The following KAZN variants were observed in gnomAD, a reference collection of about 807,000 sequenced individuals.
KAZN encodes kazrin, periplakin interacting protein.
In KAZN, 40 loss-of-function variants were observed where a neutral mutation model predicts 87.4. The ratio of observed to expected loss-of-function variants is 0.46; its 90% CI spans 0.36 to 0.60. The LOEUF (loss-of-function observed/expected upper bound fraction) is 0.60. Among genes scored for constraint, KAZN ranks in the 20% least tolerant of loss-of-function variants. KAZN has a pLI of 0.00. For synonymous variants in KAZN, 466 were observed against 458.3 expected (o/e 1.02, Z -0.22); for missense variants, 898 against 1,073.9 (o/e 0.84, Z 2.29).
intron 13 of KAZN, among the ~76,000 whole-genome samples, chr1:15,105,384 T>C (rs560644533): frequency 6.6e-6 from 1 of 152,342 alleles, no homozygotes; most frequent in South Asian, 2.1e-4. Flanking sequence ...CTTGAGGCAG[T>C]TTCAGTAGCT....
intron 1 of KAZN, among the ~76,000 whole-genome samples, chr1:13,926,424 G>C (rs1354546250): frequency 6.6e-6 from 1 of 152,158 alleles, no homozygotes; most frequent in East Asian, 1.9e-4. Flanking sequence ...TTTAGGACAA[G>C]AATGAAGCAA....
rs1676725339 is a variant in KAZN at position 14,599,024 on chromosome 1, G to C, written c.27G>C (p.Ala9=). 1 of 1,570,268 alleles carries C rather than the reference G, an allele frequency of 6.4e-7. No individual in the cohort carries two copies. The highest frequency in any genetic ancestry group is 8.6e-7 in the Non-Finnish European group (1 of 1,162,174). ...TGATGGAAGACAATAAGCAGCTCGC[G>C]CTCCGCATCGATGGGGCGGTCCAGT... MMEDNKQL[A]LRIDGAVQSA... Residue 9 remains alanine (A), a synonymous_variant, in exon 1 of 15, where the codon GCG becomes GCC. Transcript: ENST00000376030. The surrounding 1 kb of genome is among the most constrained non-coding windows in gnomAD (Gnocchi z 4.4).
intron 2 of KAZN, among the ~76,000 whole-genome samples, chr1:14,335,106 GC>G (rs35092746): frequency 0.035 from 5,076 of 146,186 alleles, 312 homozygotes; most frequent in African/African-American, 0.12. Flanking sequence ...ATGACTCGGT[GC>G]CCCCCCCCCA....
chr1:14,250,991 AAAC>A (rs747611415), intron 2 of KAZN, among the ~76,000 whole-genome samples: 5 of 152,156 alleles, frequency 3.3e-5, no homozygotes, highest in South Asian at 2.1e-4. Flanking sequence ...GGCATAACCA[AAAC>A]AACAACAACA....
intron 2 of KAZN, among the ~76,000 whole-genome samples, chr1:14,241,295 C>A (rs1648915615): frequency 6.6e-6 from 1 of 152,184 alleles, no homozygotes; most frequent in South Asian, 2.1e-4. Context: ...AGGCTCTGGC[C>A]TCCACTGAAG....
rs1638662773 is a variant in KAZN, at chr1:15,060,219, G to A, written c.964G>A (p.Asp322Asn). 2.5e-6 allele frequency: 4 copies of A among 1,614,240 alleles called. No homozygotes were observed. Among genetic ancestry groups the A allele is most frequent in the East Asian group, 2.2e-5 (1 of 44,876 alleles). Residue 322 changes from aspartate (D) to asparagine (N), a missense_variant, in exon 6 of 15, where the codon GAC (aspartate) becomes AAC (asparagine). Asp to Asn is a conservative substitution (Grantham distance 23). This residue lies in a region of KAZN where 521 missense variants were observed against 689.4 expected (regional missense o/e 0.76). Transcript: ENST00000376030. Reference protein sequence around the residue: ...CHSRQPSVISDASAAEGDRSS... With the variant: ...CHSRQPSVISNASAAEGDRSS... ...CTCCCGGCAGCCCTCTGTCATCTCC[G>A]ACGCATCTGCCGCCGAAGGCGACCG...
chr1:14,775,497 G>C (rs904311309), intron 1 of KAZN, among the ~76,000 whole-genome samples: 1 of 152,242 alleles, frequency 6.6e-6, no homozygotes, highest in Non-Finnish European at 1.5e-5. Flanking sequence ...GTCAGCCTTG[G>C]CGTCCACGCC....
chr1:14,638,581 A>AAAAAAAAAAAACAAAAAAAAAAAC (rs770402859), intron 1 of KAZN, among the ~76,000 whole-genome samples: 12 of 39,646 alleles, frequency 3.0e-4, no homozygotes, highest in African/African-American at 1.0e-3. Context: ...AAAAAAAACA[A>AAAAAAAAAAAACAAAAAAAAAAAC]AAAAAAAAAA....
At chr1:13,993,507 C>G (rs905949123) in intron 1 of KAZN, among the ~76,000 whole-genome samples, 7 of 152,110 alleles carry the variant, frequency 4.6e-5, no homozygotes, top group African/African-American at 1.7e-4. Context: ...ATTGTCTTTC[C>G]TATTTCAACA....
intron 2 of KAZN, among the ~76,000 whole-genome samples, chr1:14,522,779 G>A (rs1014735374): frequency 1.3e-5 from 2 of 152,190 alleles, no homozygotes; most frequent in Admixed American, 6.5e-5. Flanking sequence ...AGATGTAGAA[G>A]GAATGAATGA....
intron 1 of KAZN, among the ~76,000 whole-genome samples, chr1:14,662,946 T>C (rs1639286035): frequency 6.9e-6 from 1 of 145,078 alleles, no homozygotes; most frequent in Non-Finnish European, 1.5e-5. Flanking sequence ...TATATGTAAA[T>C]ATATATATAT....
At chr1:14,405,889 A>T (rs1663811130) in intron 2 of KAZN, among the ~76,000 whole-genome samples, 2 of 152,066 alleles carry the variant, frequency 1.3e-5, no homozygotes, top group Admixed American at 6.5e-5. Flanking sequence ...TGTTCTATCC[A>T]TGCCTCCAAG....
chr1:14,616,144 AG>A (rs1678219062), intron 1 of KAZN, among the ~76,000 whole-genome samples: 1 of 152,198 alleles, frequency 6.6e-6, no homozygotes, highest in African/African-American at 2.4e-5. Context: ...TTTACTTTGC[AG>A]TTGGAGAAAC....
At chr1:14,400,396 T>C (rs957482949) in intron 2 of KAZN, among the ~76,000 whole-genome samples, 3 of 152,220 alleles carry the variant, frequency 2.0e-5, no homozygotes, top group African/African-American at 7.2e-5. Flanking sequence ...TCCTGTCCAG[T>C]CTGCCATGAA....
intron 1 of KAZN, among the ~76,000 whole-genome samples, chr1:14,837,281 C>T (rs1647358485): frequency 6.6e-6 from 1 of 152,144 alleles, no homozygotes; most frequent in Admixed American, 6.5e-5. Context: ...TCACCGCAAC[C>T]TCCGCTTCCC....
chr1:14,875,276 G>A (rs2254286), intron 1 of KAZN, among the ~76,000 whole-genome samples: 65,047 of 147,602 alleles, frequency 0.44, 14,412 homozygotes, highest in Non-Finnish European at 0.46. Flanking sequence ...GGTTGCAGTG[G>A]GCCGAGATCA....
At chr1:14,752,620 G>A (rs1348096319) in intron 1 of KAZN, among the ~76,000 whole-genome samples, 2 of 152,088 alleles carry the variant, frequency 1.3e-5, no homozygotes, top group Non-Finnish European at 2.9e-5. Flanking sequence ...GTTCCCTGGA[G>A]CCCTTTCATA....
chr1:14,078,264 T>TGC (rs796965841), intron 1 of KAZN, among the ~76,000 whole-genome samples: 3 of 152,320 alleles, frequency 2.0e-5, no homozygotes, highest in African/African-American at 7.2e-5. Context: ...ATTATACATG[T>TGC]GCCTGTGTAA....
chr1:14,887,779 A>ATTT (rs1654249670), intron 1 of KAZN, among the ~76,000 whole-genome samples: 2 of 151,684 alleles, frequency 1.3e-5, no homozygotes, highest in Non-Finnish European at 2.9e-5. Flanking sequence ...TTCGGGCCTA[A>ATTT]TTAGAATGAA....
Sources: allele counts gnomAD v4.1 joint callset (sites outside exome capture counted in the v4.1 genomes callset), GRCh38; gene constraint gnomAD v4.1.1; regional missense constraint gnomAD v4.1.1; non-coding constraint Gnocchi (gnomAD v3.1); transcripts MANE v1.5; gene names NCBI Gene and HGNC (gene_info 2026-07-23, HGNC 2026-07-21).